The following IFT25 variants were observed in gnomAD, a reference collection of about 807,000 sequenced individuals.
IFT25 encodes the protein intraflagellar transport 25.
chr1:53,936,481 T>C, the IFT25 span, among the ~76,000 whole-genome samples: 1 of 152,116 alleles, frequency 6.6e-6, no homozygotes, highest in Non-Finnish European at 1.5e-5. Flanking sequence ...TAACTAAATC[T>C]TGTAATTATG....
chr1:53,943,403 T>C, the IFT25 span, among the ~76,000 whole-genome samples: 6 of 152,290 alleles, frequency 3.9e-5, no homozygotes, highest in East Asian at 1.2e-3. Context: ...CCAGTGGTTC[T>C]CAACTGGACT....
the IFT25 span, chr1:53,924,052 A>G: frequency 1.3e-6 from 1 of 754,670 alleles, no homozygotes; most frequent in East Asian, 2.5e-5. Context: ...AAATTATGAG[A>G]CCAGGTTTGA....
the IFT25 span, among the ~76,000 whole-genome samples, chr1:53,918,790 G>T: frequency 6.6e-6 from 1 of 152,286 alleles, no homozygotes. Flanking sequence ...AGCATACTGT[G>T]TTTGACTGTA....
the IFT25 span, among the ~76,000 whole-genome samples, chr1:53,941,153 C>T: frequency 6.6e-6 from 1 of 152,108 alleles, no homozygotes; most frequent in Non-Finnish European, 1.5e-5. Flanking sequence ...AGCCACCACG[C>T]CCAGCTAATT....
chr1:53,933,656 G>C, the IFT25 span, among the ~76,000 whole-genome samples: 2 of 152,152 alleles, frequency 1.3e-5, no homozygotes, highest in Middle Eastern at 3.4e-3. Flanking sequence ...TTTGGGTCTT[G>C]GATTTTTATC....
chr1:53,914,861 A>T, the IFT25 span, among the ~76,000 whole-genome samples: 1 of 150,210 alleles, frequency 6.7e-6, no homozygotes, highest in East Asian at 1.9e-4. Flanking sequence ...AATATGCTAT[A>T]AAAAAAAATC....
chr1:53,939,767 T>G, the IFT25 span: 1 of 450,364 alleles, frequency 2.2e-6, no homozygotes, highest in Admixed American at 4.4e-5. Context: ...CCTATTTGTA[T>G]CAAGAGTTCA....
the IFT25 span, among the ~76,000 whole-genome samples, chr1:53,936,852 T>C: frequency 6.6e-6 from 1 of 152,228 alleles, no homozygotes; most frequent in East Asian, 1.9e-4. Context: ...AGAGGAAAAG[T>C]AGAAGTATAA....
At chr1:53,915,029 T>C in the IFT25 span, among the ~76,000 whole-genome samples, 3 of 152,228 alleles carry the variant, frequency 2.0e-5, no homozygotes, top group South Asian at 2.1e-4. Flanking sequence ...GTGATAGGCA[T>C]TGGTCCACAG....
At chr1:53,927,473 TC>T in the IFT25 span, among the ~76,000 whole-genome samples, 1 of 152,220 alleles carries the variant, frequency 6.6e-6, no homozygotes, top group Non-Finnish European at 1.5e-5. Context: ...CATGTCTCAC[TC>T]ACTCCCTACT....
chr1:53,924,736 C>G, the IFT25 span, among the ~76,000 whole-genome samples: 1 of 152,258 alleles, frequency 6.6e-6, no homozygotes, highest in African/African-American at 2.4e-5. Flanking sequence ...ACTCGGGAGG[C>G]TGAGGTAGGA....
chr1:53,918,859 A>G, the IFT25 span, among the ~76,000 whole-genome samples: 2 of 151,808 alleles, frequency 1.3e-5, no homozygotes, highest in African/African-American at 2.4e-5. Context: ...TTTTTTTGAG[A>G]TGTAGTTTCA....
At chr1:53,921,899 T>C in the IFT25 span, 8 of 620,772 alleles carry the variant, frequency 1.3e-5, no homozygotes, top group Admixed American at 1.9e-4. Flanking sequence ...GCCAGCTACA[T>C]ATAATAGTTG....
At chr1:53,913,463 T>C in the IFT25 span, among the ~76,000 whole-genome samples, 1 of 152,192 alleles carries the variant, frequency 6.6e-6, no homozygotes, top group Admixed American at 6.5e-5. Flanking sequence ...TCTTCATTAG[T>C]GGGGCTTGTT....
At chr1:53,912,972 T>G in the IFT25 span, among the ~76,000 whole-genome samples, 1 of 152,156 alleles carries the variant, frequency 6.6e-6, no homozygotes, top group Non-Finnish European at 1.5e-5. Flanking sequence ...ATAGTAGGTG[T>G]TGTTGGTGCT....
At chr1:53,913,560 T>G in the IFT25 span, among the ~76,000 whole-genome samples, 1 of 152,194 alleles carries the variant, frequency 6.6e-6, no homozygotes, top group East Asian at 1.9e-4. Context: ...TAGCCTATTA[T>G]TAACTAAATT....
At chr1:53,926,581 CTTTT>C in the IFT25 span, among the ~76,000 whole-genome samples, 2 of 152,096 alleles carry the variant, frequency 1.3e-5, no homozygotes, top group African/African-American at 2.4e-5. Flanking sequence ...TTGTCCCTGT[CTTTT>C]TTAATTGGTT....
At chr1:53,935,228 G>A in the IFT25 span, among the ~76,000 whole-genome samples, 4 of 152,134 alleles carry the variant, frequency 2.6e-5, no homozygotes, top group African/African-American at 7.2e-5. Context: ...CAGGAGAATC[G>A]CTTGAACCCA....
the IFT25 span, among the ~76,000 whole-genome samples, chr1:53,938,477 T>C: frequency 6.6e-6 from 1 of 152,154 alleles, no homozygotes; most frequent in Non-Finnish European, 1.5e-5. Flanking sequence ...TCAGTTGCCA[T>C]AAAGATGACA....
Sources: gnomAD v4.1 joint callset for allele counts (sites outside exome capture counted in the v4.1 genomes callset) on GRCh38, gnomAD v4.1.1 for gene constraint, MANE v1.5 for transcripts, NCBI Gene and HGNC (gene_info 2026-07-23, HGNC 2026-07-21) for gene names.